The following PTPRT variants were observed in gnomAD, a reference collection of about 807,000 sequenced individuals.
PTPRT encodes the protein receptor-type tyrosine-protein phosphatase T.
PTPRT carries 56 observed loss-of-function variants against 176.8 expected under a neutral mutation model. The observed-to-expected ratio is 0.32, with a 90% CI of 0.26 to 0.40. The LOEUF is 0.40. PTPRT is among the 10% of genes least tolerant of loss of function. The pLI is 1.00. For missense variants in PTPRT, 1,540 were observed against 1,908.2 expected, an observed-to-expected ratio of 0.81 and a Z score of 3.60; for synonymous variants, 783 against 739.0, an observed-to-expected ratio of 1.06 and a Z score of -0.96.
At chr20:42,568,339 A>G (rs1199891627) in intron 7 of PTPRT, among the ~76,000 whole-genome samples, 2 of 151,880 alleles carry the variant, frequency 1.3e-5, no homozygotes, top group African/African-American at 4.8e-5. Context: ...CTATTATTTC[A>G]CTGAATCCCA....
At position 42,700,030 on chromosome 20, in the gene PTPRT, C is replaced by G. The variant is rs140133067; in HGVS notation, c.860-21871G>C. 1.9e-3 allele frequency among the ~76,000 whole-genome samples: 283 copies of G among 152,246 alleles called. 1 individual carries two copies. Among genetic ancestry groups the G allele is most frequent in the Middle Eastern group, 6.8e-3 (2 of 294 alleles). On this transcript the variant is annotated intron_variant, in intron 6 of 30. Coordinates refer to ENST00000373187, the MANE Select transcript of PTPRT (RefSeq NM_007050.6). ...TCTCCCTGACAACAGCAGTGAGACCCTGACCCCTGATTTCTTCTCTACCAG... is the reference window on the plus strand; with the variant it reads ...TCTCCCTGACAACAGCAGTGAGACCGTGACCCCTGATTTCTTCTCTACCAG...
Position 42,085,849 on chromosome 20 carries a change from C to A in PTPRT, c.3851G>T (p.Cys1284Phe). ...GGTCTTCTCAGGCCAGTACTGCATA[C>A]AGAACTGAGATAAGGAAAGAGGTCA... ...MLNEMDTAQF[C>F]MQYWPEKTSG... Residue 1284 changes from cysteine to phenylalanine, a missense_variant, in exon 28 of 31, where the codon TGT becomes TTT. Cys to Phe is a radical substitution (Grantham distance 205). Transcript: ENST00000373187. The A allele has an allele frequency of 6.2e-7, 1 of 1,611,838 alleles. No individual in the cohort carries two copies. Among genetic ancestry groups the A allele is most frequent in the Non-Finnish European group, 8.5e-7 (1 of 1,177,876 alleles).
intron 13 of PTPRT, among the ~76,000 whole-genome samples, chr20:42,277,888 C>CCATG (rs2057068996): frequency 7.0e-6 from 1 of 143,396 alleles, no homozygotes; most frequent in African/African-American, 2.7e-5. Flanking sequence ...ATCCACTCAT[C>CCATG]CATCCATCCA....
chr20:43,060,161 A>G (rs1987397559), intron 1 of PTPRT, among the ~76,000 whole-genome samples: 1 of 152,092 alleles, frequency 6.6e-6, no homozygotes, highest in Admixed American at 6.6e-5. Context: ...ATTTCTCGGT[A>G]CCAATTTTTA....
At chr20:42,422,823 A>G (rs779850194) in intron 9 of PTPRT, among the ~76,000 whole-genome samples, 34 of 152,262 alleles carry the variant, frequency 2.2e-4, no homozygotes, top group Non-Finnish European at 5.0e-4. Context: ...GGCTGGATAA[A>G]GAAAATGTGA....
intron 1 of PTPRT, among the ~76,000 whole-genome samples, chr20:42,996,346 AC>A (rs1366396896): frequency 6.6e-6 from 1 of 152,174 alleles, no homozygotes; most frequent in African/African-American, 2.4e-5. Context: ...ATTGGCCAAT[AC>A]CCTGCAGCGA....
At chr20:42,526,200 A>G (rs2072265163) in intron 7 of PTPRT, among the ~76,000 whole-genome samples, 1 of 152,078 alleles carries the variant, frequency 6.6e-6, no homozygotes, top group African/African-American at 2.4e-5. Context: ...TTTCTGCAGC[A>G]AATTCTTGTG....
intron 7 of PTPRT, among the ~76,000 whole-genome samples, chr20:42,645,165 G>T (rs990963370): frequency 2.0e-5 from 3 of 152,170 alleles, no homozygotes; most frequent in Non-Finnish European, 2.9e-5. Flanking sequence ...ACAGAGGAGT[G>T]TGACAAAGGC....
At chr20:42,568,057 C>T (rs1292353013) in intron 7 of PTPRT, among the ~76,000 whole-genome samples, 5 of 151,836 alleles carry the variant, frequency 3.3e-5, no homozygotes, top group African/African-American at 1.2e-4. Context: ...GCAACCGCCG[C>T]CTCCTGGGTT....
chr20:43,154,214 A>C (rs935614998), intron 1 of PTPRT, among the ~76,000 whole-genome samples: 15 of 152,326 alleles, frequency 9.8e-5, no homozygotes, highest in African/African-American at 3.4e-4. Flanking sequence ...AGAGATAAGG[A>C]TCTAATTTCA....
intron 1 of PTPRT, among the ~76,000 whole-genome samples, chr20:42,975,139 A>T (rs1982872677): frequency 6.6e-6 from 1 of 152,230 alleles, no homozygotes; most frequent in Non-Finnish European, 1.5e-5. Context: ...AAAAAATCAG[A>T]TGTGAAAAAA....
At chr20:42,888,489 A>G (rs1383599973) in intron 1 of PTPRT, among the ~76,000 whole-genome samples, 1 of 152,212 alleles carries the variant, frequency 6.6e-6, no homozygotes, top group Non-Finnish European at 1.5e-5. Context: ...TCTCAACTTT[A>G]AATCTAAGAG....
intron 1 of PTPRT, chr20:42,971,207 G>A (rs1220188409): frequency 6.6e-6 from 1 of 152,218 alleles, no homozygotes; most frequent in East Asian, 1.9e-4. Context: ...TCAAAGAAGA[G>A]TCAAAGTGCA....
At chr20:43,053,551 T>C (rs1987126376) in intron 1 of PTPRT, among the ~76,000 whole-genome samples, 1 of 152,208 alleles carries the variant, frequency 6.6e-6, no homozygotes, top group Admixed American at 6.5e-5. Context: ...CCATCCAGCA[T>C]GATGAAGTTC....
chr20:42,603,992 T>G (rs1037946333), intron 7 of PTPRT, among the ~76,000 whole-genome samples: 17 of 152,162 alleles, frequency 1.1e-4, no homozygotes, highest in African/African-American at 3.6e-4. Flanking sequence ...AAAACATATT[T>G]GTAGAAGCAA....
At chr20:42,373,247 T>C (rs1321002741) in intron 9 of PTPRT, among the ~76,000 whole-genome samples, 1 of 152,156 alleles carries the variant, frequency 6.6e-6, no homozygotes, top group South Asian at 2.1e-4. Context: ...ATGGAACTAA[T>C]GGTATGCTGC....
chr20:42,195,276 A>C (rs1991168953), intron 16 of PTPRT, among the ~76,000 whole-genome samples: 1 of 152,176 alleles, frequency 6.6e-6, no homozygotes, highest in Non-Finnish European at 1.5e-5. Context: ...TTCTTCTGTA[A>C]TCTTTTGCAA....
intron 27 of PTPRT, among the ~76,000 whole-genome samples, chr20:42,095,388 C>T (rs1375518942): frequency 6.6e-6 from 1 of 152,200 alleles, no homozygotes; most frequent in Admixed American, 6.5e-5. Flanking sequence ...AGTTGTGCTG[C>T]TCTGCCCATG....
chr20:42,816,617 T>C (rs1043314267), intron 2 of PTPRT, among the ~76,000 whole-genome samples: 12 of 152,164 alleles, frequency 7.9e-5, no homozygotes, highest in African/African-American at 2.9e-4. Context: ...TGAGATGTGA[T>C]GGTTTTAAAA....
Sources: allele counts gnomAD v4.1 joint callset (sites outside exome capture counted in the v4.1 genomes callset), GRCh38; gene constraint gnomAD v4.1.1; transcripts MANE v1.5; gene names NCBI Gene and HGNC (gene_info 2026-07-23, HGNC 2026-07-21).